Variants in LINC00237 observed in about 807,000 individuals in gnomAD.
LINC00237 encodes long intergenic non-protein coding RNA 237.
intron 1 of LINC00237, among the ~76,000 whole-genome samples, chr20:21,103,426 G>A (rs1328978496): frequency 1.3e-5 from 2 of 152,206 alleles, no homozygotes; most frequent in Admixed American, 6.5e-5. Flanking sequence ...CTCGGGGCTG[G>A]CTTTGTAGTT....
At chr20:21,094,965 C>T (rs1007433081) in intron 1 of LINC00237, among the ~76,000 whole-genome samples, 6 of 152,038 alleles carry the variant, frequency 3.9e-5, no homozygotes, top group Admixed American at 1.3e-4. Context: ...GCAGGAGCAT[C>T]GCTTGAACCC....
intron 2 of LINC00237, among the ~76,000 whole-genome samples, chr20:21,089,487 G>A (rs6047242): frequency 6.6e-6 from 1 of 151,864 alleles, no homozygotes; most frequent in African/African-American, 2.4e-5. Context: ...GAATCACCCC[G>A]GGCCTGCCAT....
intron 1 of LINC00237, among the ~76,000 whole-genome samples, chr20:21,100,900 G>A (rs1442184774): frequency 6.6e-6 from 1 of 152,066 alleles, no homozygotes; most frequent in East Asian, 1.9e-4. Flanking sequence ...CGACCTCGCC[G>A]GGACCTCGGC....
At chr20:21,090,947 T>C (rs2030783984) in intron 2 of LINC00237, among the ~76,000 whole-genome samples, 1 of 152,190 alleles carries the variant, frequency 6.6e-6, no homozygotes, top group Non-Finnish European at 1.5e-5. Context: ...TCTTGATCTT[T>C]GCCCGGGTCT....
chr20:21,091,807 AT>A (rs1300668347), intron 2 of LINC00237, among the ~76,000 whole-genome samples: 2 of 152,218 alleles, frequency 1.3e-5, no homozygotes, highest in Non-Finnish European at 1.5e-5. Context: ...ATGGGCACAT[AT>A]TAATATGATG....
At chr20:21,090,385 A>G (rs1343418937) in intron 2 of LINC00237, 1 of 152,218 alleles carries the variant, frequency 6.6e-6, no homozygotes, top group African/African-American at 2.4e-5. Flanking sequence ...TTCTCTCAGC[A>G]GTCTTCTCTA....
chr20:21,103,446 A>T (rs1056493826), intron 1 of LINC00237, among the ~76,000 whole-genome samples: 4 of 152,112 alleles, frequency 2.6e-5, no homozygotes, highest in African/African-American at 9.7e-5. Flanking sequence ...TATTTTTCCA[A>T]GTTCTGCCCG....
At chr20:21,089,571 A>G (rs2030764076) in intron 2 of LINC00237, 1 of 152,150 alleles carries the variant, frequency 6.6e-6, no homozygotes, top group Non-Finnish European at 1.5e-5. Flanking sequence ...TTACCTGCAC[A>G]GGAAGAATTG....
intron 1 of LINC00237, among the ~76,000 whole-genome samples, chr20:21,104,670 T>G (rs1212585522): frequency 6.6e-6 from 1 of 152,192 alleles, no homozygotes; most frequent in African/African-American, 2.4e-5. Flanking sequence ...GGGTTTTGTG[T>G]GTTCCAAATA....
At chr20:21,086,711 A>G (rs1208151542) in intron 3 of LINC00237, among the ~76,000 whole-genome samples, 121 of 123,546 alleles carry the variant, frequency 9.8e-4, no homozygotes, top group African/African-American at 3.2e-3. Context: ...TACTATATAT[A>G]CATATATACT....
chr20:21,091,748 G>A (rs2030796216), intron 2 of LINC00237, among the ~76,000 whole-genome samples: 1 of 152,152 alleles, frequency 6.6e-6, no homozygotes, highest in Non-Finnish European at 1.5e-5. Flanking sequence ...TAGAGACACA[G>A]ATGCCAAGAA....
Position 21,101,313 on chromosome 20 carries a change from A to C in LINC00237, n.88+4958T>G, listed in dbSNP as rs2030928782. ...GGAGGGAGCGCGGGGGCCGACATCG[A>C]GAGGCAATCGGGGTGGGGGCAGAAA... On this transcript the variant is annotated intron_variant and non_coding_transcript_variant, in intron 1 of 3. Transcript: ENST00000691244. This position sits in a 1 kb window ranked among gnomAD's most constrained non-coding sequence, Gnocchi z 4.3. 1 of 151,594 alleles carries C rather than the reference A, an allele frequency of 6.6e-6. No individual in the cohort carries two copies. Among genetic ancestry groups the C allele is most frequent in the South Asian group, 2.1e-4 (1 of 4,814 alleles). The allele number at this position is 151,594 out of a possible 1,614,324, so 9.4% of individuals were successfully genotyped here.
At chr20:21,092,763 T>C (rs1374979489) in intron 2 of LINC00237, 1 of 152,136 alleles carries the variant, frequency 6.6e-6, no homozygotes. Context: ...ACAAGAACAG[T>C]GGTGTGATTA....
chr20:21,086,826 G>C (rs187424018), intron 3 of LINC00237, among the ~76,000 whole-genome samples: 1 of 120,068 alleles, frequency 8.3e-6, no homozygotes, highest in Admixed American at 8.5e-5. Context: ...TACATATATA[G>C]TGTATACTAT....
In LINC00237 at chr20:21,101,288, G is replaced by C. The variant is rs1435927078; in HGVS notation, n.88+4983C>G. ...GAGCGAGGGAGGGAGCGCCGGCGAG[G>C]GAGGGAGCGCGGGGGCCGACATCGA... is the stretch of plus-strand genomic sequence containing the variant. On this transcript the variant is annotated intron_variant and non_coding_transcript_variant, in intron 1 of 3. Coordinates refer to ENST00000691244, the Ensembl canonical transcript of LINC00237. The surrounding 1 kb of genome is among the most constrained non-coding windows in gnomAD (Gnocchi z 4.3). 1 of 152,302 alleles carries C rather than the reference G, an allele frequency of 6.6e-6. No homozygotes were observed. The highest frequency in any genetic ancestry group is 1.5e-5 in the Non-Finnish European group (1 of 68,106). The allele number at this position is 152,302 out of a possible 1,614,324, so 9.4% of individuals were successfully genotyped here. A position where few individuals can be genotyped will look rare whatever the true frequency, so the allele number is the denominator to read the frequency against.
intron 1 of LINC00237, among the ~76,000 whole-genome samples, chr20:21,100,940 G>A (rs1488694075): frequency 6.6e-6 from 1 of 152,100 alleles, no homozygotes; most frequent in African/African-American, 2.4e-5. Flanking sequence ...CGGCCCCGGC[G>A]CAGCCACGAC....
rs1455227215 is a variant in LINC00237, at chr20:21,087,426, A to G, written n.559+518T>C. Among the ~76,000 whole-genome samples the G allele has an allele frequency of 2.0e-5, 3 of 152,208 alleles. No individual in the cohort carries two copies. In the East Asian group the frequency reaches 5.8e-4, roughly 29 times the overall value. On this transcript the variant is annotated intron_variant and non_coding_transcript_variant, in intron 3 of 3. Coordinates refer to ENST00000691244, the Ensembl canonical transcript of LINC00237. ...AAACAGTGCTTCAGAGACCATTGTC[A>G]GACAGGTCTCTATAAATTTGTGCAA...
chr20:21,104,516 GC>G (rs749042138), intron 1 of LINC00237, among the ~76,000 whole-genome samples: 4 of 152,250 alleles, frequency 2.6e-5, no homozygotes, highest in Admixed American at 6.5e-5. Context: ...GGGCCTTTGG[GC>G]CAGGACAGAG....
At chr20:21,105,304 G>A (rs1276548180) in intron 1 of LINC00237, among the ~76,000 whole-genome samples, 1 of 149,590 alleles carries the variant, frequency 6.7e-6, no homozygotes, top group African/African-American at 2.5e-5. Context: ...ACCCCAAGGT[G>A]TTGTTTCCTA....
Sources: gnomAD v4.1 joint callset for allele counts (sites outside exome capture counted in the v4.1 genomes callset) on GRCh38, gnomAD v4.1.1 for gene constraint, Gnocchi (gnomAD v3.1) non-coding constraint, MANE v1.5 for transcripts, NCBI Gene and HGNC (gene_info 2026-07-23, HGNC 2026-07-21) for gene names.